Variants in MAGI2 observed in about 807,000 individuals in gnomAD.
MAGI2 encodes the protein membrane associated guanylate kinase, WW and PDZ domain containing 2.
In MAGI2, 35 loss-of-function variants were observed where a neutral mutation model predicts 133.3. That is an observed-to-expected ratio of 0.26 (90% CI 0.20 to 0.35). MAGI2 has a LOEUF of 0.35. Ranked by LOEUF, MAGI2 falls within the 10% of genes least tolerant of loss-of-function variation. The probability of loss-of-function intolerance (pLI) is 1.00; values close to 1 mark genes in which losing one functional copy is unlikely to be tolerated. For missense variants in MAGI2, 1,636 were observed against 1,863.4 expected (o/e 0.88, Z 2.25); for synonymous variants, 729 against 710.6 (o/e 1.03, Z -0.41).
At chr7:78,832,676 C>A (rs560746005) in intron 2 of MAGI2, among the ~76,000 whole-genome samples, 11 of 152,240 alleles carry the variant, frequency 7.2e-5, no homozygotes, top group African/African-American at 2.6e-4. Context: ...TGTAAGGAGA[C>A]CCCTGAAACT....
At chr7:79,178,104 G>A (rs1175811910) in intron 1 of MAGI2, among the ~76,000 whole-genome samples, 1 of 151,878 alleles carries the variant, frequency 6.6e-6, no homozygotes, top group Non-Finnish European at 1.5e-5. Context: ...GTCCTACACT[G>A]TGGTCCTTCA....
chr7:79,238,903 C>A (rs1207044952), intron 1 of MAGI2, among the ~76,000 whole-genome samples: 2 of 151,974 alleles, frequency 1.3e-5, no homozygotes, highest in African/African-American at 4.8e-5. Context: ...ATTTTTCAAA[C>A]TGGGTCTGAT....
chr7:78,221,627 T>C (rs990681638), intron 10 of MAGI2, among the ~76,000 whole-genome samples: 21 of 152,130 alleles, frequency 1.4e-4, no homozygotes, highest in African/African-American at 4.6e-4. Flanking sequence ...GCTCATATTA[T>C]TTGCATATTC....
At chr7:78,611,572 T>C (rs1391838364) in intron 3 of MAGI2, among the ~76,000 whole-genome samples, 2 of 152,166 alleles carry the variant, frequency 1.3e-5, no homozygotes, top group African/African-American at 2.4e-5. Context: ...GAAATTGTTG[T>C]TTTTGCTGAA....
chr7:78,028,039 G>A (rs7781122), intron 21 of MAGI2, among the ~76,000 whole-genome samples: 3,186 of 152,280 alleles, frequency 0.021, 97 homozygotes, highest in African/African-American at 0.073. Flanking sequence ...GAAGTCATTT[G>A]GCATTCAAAA....
At chr7:78,786,428 C>A (rs1415389482) in intron 2 of MAGI2, among the ~76,000 whole-genome samples, 1 of 152,154 alleles carries the variant, frequency 6.6e-6, no homozygotes, top group African/African-American at 2.4e-5. Flanking sequence ...CTATTTCATT[C>A]AAAATATAAG....
intron 6 of MAGI2, among the ~76,000 whole-genome samples, chr7:78,402,330 G>A (rs1298434917): frequency 9.1e-6 from 1 of 109,470 alleles, no homozygotes; most frequent in Admixed American, 1.0e-4. Context: ...CACCTAGGGT[G>A]TGTATGTGTG....
rs146084559 is a variant in MAGI2, at chr7:78,847,486, G to GTTT, written c.418+159603_418+159604insAAA. On this transcript the variant is annotated intron_variant, in intron 2 of 21. Coordinates refer to ENST00000354212, the MANE Select transcript of MAGI2 (RefSeq NM_012301.4). ...AATAATGTTAGTGTTTTTAGATCTT[G>GTTT]TCAAAGTGTTCCCAAATTGAACCCA... 2.4e-3 allele frequency among the ~76,000 whole-genome samples: 360 copies of GTTT among 152,132 alleles called. 3 individuals are homozygous for GTTT. Among genetic ancestry groups the GTTT allele is most frequent in the African/African-American group, 8.2e-3 (341 of 41,546 alleles).
chr7:79,380,580 G>A (rs1652078670), intron 1 of MAGI2, among the ~76,000 whole-genome samples: 3 of 151,716 alleles, frequency 2.0e-5, no homozygotes, highest in African/African-American at 7.3e-5. Context: ...TAGTGATTTG[G>A]CATAACAGCT....
At chr7:79,322,381 G>A (rs7790555) in intron 1 of MAGI2, among the ~76,000 whole-genome samples, 86,862 of 151,976 alleles carry the variant, frequency 0.57, 26,978 homozygotes, top group Non-Finnish European at 0.69. Flanking sequence ...GAAAGCCAGT[G>A]TAGCAGAAGT....
chr7:78,324,253 G>C (rs539743028), intron 9 of MAGI2, among the ~76,000 whole-genome samples: 1 of 151,424 alleles, frequency 6.6e-6, no homozygotes, highest in African/African-American at 2.4e-5. Context: ...AAAACAGAAG[G>C]CTGGTGGAGA....
intron 21 of MAGI2, among the ~76,000 whole-genome samples, chr7:78,055,867 G>A (rs572534268): frequency 5.9e-5 from 9 of 152,284 alleles, no homozygotes; most frequent in Middle Eastern, 3.4e-3. Flanking sequence ...GCTCAGGAAG[G>A]GGGGCAATCC....
chr7:79,240,836 G>A (rs1832341916), intron 1 of MAGI2, among the ~76,000 whole-genome samples: 7 of 151,826 alleles, frequency 4.6e-5, no homozygotes, highest in Admixed American at 2.0e-4. Context: ...CAAAACTCTC[G>A]TTGAATTCTC....
intron 11 of MAGI2, among the ~76,000 whole-genome samples, chr7:78,200,561 GTGTGTGTGTA>G (rs1456233489): frequency 1.3e-5 from 2 of 152,016 alleles, no homozygotes; most frequent in East Asian, 3.9e-4. Context: ...TTAAATATAC[GTGTGTGTGTA>G]TGTGTGTGTG....
At chr7:79,065,656 C>T (rs1013147959) in intron 1 of MAGI2, among the ~76,000 whole-genome samples, 2 of 152,072 alleles carry the variant, frequency 1.3e-5, no homozygotes, top group Non-Finnish European at 2.9e-5. Context: ...TGGTTTGCTG[C>T]GCCCATCAAC....
At chr7:78,114,803 A>G (rs1309970449) in intron 20 of MAGI2, among the ~76,000 whole-genome samples, 1 of 152,186 alleles carries the variant, frequency 6.6e-6, no homozygotes, top group East Asian at 1.9e-4. Context: ...CTTTGTGGAC[A>G]TGGGACTCAC....
At chr7:78,984,950 A>G (rs962580913) in intron 2 of MAGI2, among the ~76,000 whole-genome samples, 1 of 151,740 alleles carries the variant, frequency 6.6e-6, no homozygotes, top group Non-Finnish European at 1.5e-5. Context: ...AAATCAATCA[A>G]TGAACCTCCA....
chr7:78,875,897 A>G (rs1223126648), intron 2 of MAGI2, among the ~76,000 whole-genome samples: 1 of 152,236 alleles, frequency 6.6e-6, no homozygotes, highest in Non-Finnish European at 1.5e-5. Flanking sequence ...AAATTACAAC[A>G]AAAGTCATTA....
intron 1 of MAGI2, chr7:79,413,136 G>A (rs1846254377): frequency 6.6e-6 from 1 of 152,116 alleles, no homozygotes; most frequent in African/African-American, 2.4e-5. Context: ...GATCTTTCAT[G>A]CTCATGCAAA....
Sources: gnomAD v4.1 joint callset for allele counts (sites outside exome capture counted in the v4.1 genomes callset) on GRCh38, gnomAD v4.1.1 for gene constraint, MANE v1.5 for transcripts, NCBI Gene and HGNC (gene_info 2026-07-23, HGNC 2026-07-21) for gene names.